NUP214: variants seen among roughly 807,000 people sequenced by gnomAD.
NUP214 encodes nucleoporin 214.
Under a neutral mutation model 196.2 loss-of-function variants are expected in NUP214, and 79 were observed. The observed-to-expected ratio is 0.40, with a 90% CI of 0.34 to 0.49. The LOEUF is 0.49. Ranked by LOEUF, NUP214 falls within the 20% of genes least tolerant of loss-of-function variation. The probability of loss-of-function intolerance (pLI) is 0.58; values close to 1 mark genes in which losing one functional copy is unlikely to be tolerated. For synonymous variants in NUP214, 1,020 were observed against 990.5 expected (o/e 1.03, Z -0.56); for missense variants, 2,468 against 2,539.0 (o/e 0.97, Z 0.60).
At position 131,192,169 on chromosome 9, in the gene NUP214, C is replaced by CTTTTTT. The variant is rs66652901; in HGVS notation, c.3575-18_3575-13dup. On this transcript the variant is annotated intron_variant, in intron 26 of 35. Transcript: ENST00000359428. ...AGTGTTTCTGTCTTTTTGTAATATT[C>CTTTTTT]TTTTTTTTTTTTTTTTTTTTTTTTT... 266 of 447,488 alleles carry CTTTTTT rather than the reference C, an allele frequency of 5.9e-4. 20 individuals are homozygous for CTTTTTT. The highest frequency in any genetic ancestry group is 6.9e-4 in the South Asian group (22 of 31,976). 27.7% of individuals were successfully genotyped at this position (447,488 alleles called of 1,614,324 possible). A position where few individuals can be genotyped will look rare whatever the true frequency, so the allele number is the denominator to read the frequency against.
In NUP214 at chr9:131,150,631, A is replaced by G. The variant is rs1273866502; in HGVS notation, c.2143A>G (p.Lys715Glu). 5 of 1,612,426 alleles carry G rather than the reference A, an allele frequency of 3.1e-6. No individual in the cohort carries two copies. In the South Asian group the frequency reaches 5.5e-5, roughly 18 times the overall value. Reference sequence around the variant, plus strand: ...GCTTCTACAGATTGCACACTTTCAGAAGGAGTTGGAAGAGTTAAAAGCCCG... The same window carrying G: ...GCTTCTACAGATTGCACACTTTCAGGAGGAGTTGGAAGAGTTAAAAGCCCG... ...GIGEEIAHFQ[K>E]ELEELKARTS... The change falls in exon 16 of 36, where the codon AAG (lysine) becomes GAG (glutamate). Residue 715 changes from lysine (K) to glutamate (E), a missense_variant. Transcript: ENST00000359428.
intron 13 of NUP214, 78 bp from the exon 14 acceptor site, chr9:131,147,412 T>C: frequency 9.2e-7 from 1 of 1,092,828 alleles, no homozygotes; most frequent in East Asian, 2.4e-5. Context: ...TTTCTTAGAT[T>C]TGGAGAAAGG....
chr9:131,183,375 G>A (rs534132682), intron 24 of NUP214, among the ~76,000 whole-genome samples: 50 of 152,308 alleles, frequency 3.3e-4, no homozygotes, highest in African/African-American at 1.1e-3. Context: ...TTGAGCCACC[G>A]CGCCCGGCTG....
At chr9:131,223,582 T>C (rs1172195098) in intron 32 of NUP214, among the ~76,000 whole-genome samples, 2 of 151,830 alleles carry the variant, frequency 1.3e-5, no homozygotes, top group Non-Finnish European at 2.9e-5. Flanking sequence ...CTGAAGTATC[T>C]GCAGGAAAGC....
intron 21 of NUP214, chr9:131,164,433 C>G: frequency 2.6e-6 from 1 of 377,790 alleles, no homozygotes; most frequent in Non-Finnish European, 4.8e-6. Flanking sequence ...GGCACTGATT[C>G]ACAAGGGTTT....
chr9:131,189,233 A>C (rs1588154850), intron 26 of NUP214, 102 bp downstream of exon 26: 1 of 927,870 alleles, frequency 1.1e-6, no homozygotes, highest in East Asian at 2.4e-5. Context: ...AACAGGAGTC[A>C]CATTTGATGA....
intron 21 of NUP214, 63 bp downstream of exon 21, chr9:131,164,207 G>A: frequency 6.8e-7 from 1 of 1,469,110 alleles, no homozygotes; most frequent in Non-Finnish European, 9.5e-7. Context: ...GTGTGTGTGT[G>A]CGCGCGCACA....
intron 30 of NUP214, among the ~76,000 whole-genome samples, chr9:131,210,410 A>G (rs1203175716): frequency 6.6e-6 from 1 of 152,208 alleles, no homozygotes; most frequent in Non-Finnish European, 1.5e-5. Flanking sequence ...CGGGCGGATC[A>G]CGAGGTCAGG....
chr9:131,233,628 C>CA lies in NUP214; in HGVS notation c.*142dup. ...GAAAGAAACAACAGAAACCAAAACT[C>CA]ACAAGGCGCATGATTACTTGTTTTA... On this transcript the variant is annotated 3_prime_UTR_variant, in exon 36 of 36. Transcript: ENST00000359428. The CA allele has an allele frequency of 1.2e-6, 1 of 853,568 alleles. No individual in the cohort carries two copies. Among genetic ancestry groups the CA allele is most frequent in the Admixed American group, 2.0e-5 (1 of 50,048 alleles). 52.9% of individuals were successfully genotyped at this position (853,568 alleles called of 1,614,324 possible).
intron 3 of NUP214, 75 bp downstream of exon 3, chr9:131,128,558 A>G: frequency 2.2e-6 from 3 of 1,337,420 alleles, no homozygotes; most frequent in Non-Finnish European, 3.1e-6. Flanking sequence ...ACAACTTGGA[A>G]GCTTCATAGG....
chr9:131,225,380 C>T (rs551372641), intron 32 of NUP214, among the ~76,000 whole-genome samples: 1 of 152,296 alleles, frequency 6.6e-6, no homozygotes, highest in South Asian at 2.1e-4. Context: ...GATTATGCCA[C>T]TGCACTTCAT....
At position 131,187,343 on chromosome 9, in the gene NUP214, G is replaced by T; in HGVS notation, c.3474G>T (p.Val1158=). Residue 1158 remains valine, a synonymous_variant, in exon 25 of 36, where the codon GTG becomes GTT. Transcript: ENST00000359428. ...CACCTCACCCAGTGTTGACCCCAGT[G>T]GCTGCTAACCAAGCCAAGCAGGTAA... ...AKTPHPVLTP[V]AANQAKQGSL... The T allele has an allele frequency of 6.2e-7, 1 of 1,612,840 alleles. No individual in the cohort carries two copies. Among genetic ancestry groups the T allele is most frequent in the Non-Finnish European group, 8.5e-7 (1 of 1,179,586 alleles).
At position 131,127,669 on chromosome 9, in the gene NUP214, C is replaced by G; in HGVS notation, c.191C>G (p.Thr64Ser). 1 of 1,613,924 alleles carries G rather than the reference C, an allele frequency of 6.2e-7. No homozygotes were observed. Among genetic ancestry groups the G allele is most frequent in the Non-Finnish European group, 8.5e-7 (1 of 1,179,940 alleles). ...GCCAGTGGCTTGCAGATTTTTCCTA[C>G]TAAAAATCTTCTTATTCAAAATAAA... ...GGASGLQIFP[T>S]KNLLIQNKPG... The change falls in exon 2 of 36, where the codon ACT (threonine) becomes AGT (serine). Residue 64 changes from threonine to serine, a missense_variant. Transcript: ENST00000359428.
chr9:131,144,349 C>G lies in NUP214; in HGVS notation c.1364C>G (p.Pro455Arg), dbSNP rs771361573. 1.9e-6 allele frequency: 3 copies of G among 1,614,190 alleles called. No homozygotes were observed. In the South Asian group the frequency reaches 3.3e-5, roughly 18 times the overall value. Residue 455 changes from proline to arginine, a missense_variant, in exon 12 of 36, where the codon CCT becomes CGT. Physicochemically the swap from Pro to Arg is moderately radical, Grantham distance 103. Transcript: ENST00000359428. Reference protein sequence around the residue: ...QKLDASAAAAPASLPPSSPAA... With the variant: ...QKLDASAAAARASLPPSSPAA... ...CTGGATGCTTCTGCAGCTGCAGCCC[C>G]TGCCTCTCTGCCACCTTCATCACCT... is the stretch of plus-strand genomic sequence containing the variant.
rs763223541 is a variant in NUP214 at position 131,139,422 on chromosome 9, GTAGT to G, written c.1132+20_1132+23del. 1.3e-5 allele frequency: 21 copies of G among 1,600,342 alleles called. No individual in the cohort carries two copies. The highest frequency in any genetic ancestry group is 6.8e-5 in the East Asian group (3 of 44,308). ...AATCACCATCAGTAAGTGTAGCCTG[GTAGT>G]TAGTGCAGAAATAGTCTTCTTTCTA... On this transcript the variant is annotated intron_variant, in intron 10 of 35. Transcript: ENST00000359428.
intron 35 of NUP214, among the ~76,000 whole-genome samples, chr9:131,233,159 A>G (rs1396660212): frequency 6.6e-6 from 1 of 152,000 alleles, no homozygotes; most frequent in Non-Finnish European, 1.5e-5. Context: ...AAAAATATAT[A>G]TATATACATA....
chr9:131,186,211 G>C (rs1833446695), intron 24 of NUP214, among the ~76,000 whole-genome samples: 1 of 152,184 alleles, frequency 6.6e-6, no homozygotes, highest in South Asian at 2.1e-4. Context: ...GAACAGAGAT[G>C]TGTTTCTCCA....
rs180714100 is a variant in NUP214 at position 131,202,609 on chromosome 9, G to A, written c.5592+892G>A. ...CAGCTATTTTTTTTTTTCTTTTTGT[G>A]TTTTTGGTTGAGACGGGGTTTTGCC... On this transcript the variant is annotated intron_variant, in intron 30 of 35. Coordinates refer to ENST00000359428, the MANE Select transcript of NUP214 (RefSeq NM_005085.4). Among the ~76,000 whole-genome samples the A allele has an allele frequency of 2.4e-3, 355 of 150,074 alleles. 4 individuals are homozygous for A. Among genetic ancestry groups the A allele is most frequent in the African/African-American group, 8.3e-3 (341 of 40,854 alleles).
rs1300030712 is a variant in NUP214, at chr9:131,215,329, A to G, written c.5710A>G (p.Ser1904Gly). The change falls in exon 31 of 36, where the codon AGC (serine) becomes GGC (glycine). Residue 1904 changes from serine to glycine, a missense_variant. This residue lies in a region of NUP214 where 262 missense variants were observed against 296.5 expected (regional missense o/e 0.88). Transcript: ENST00000359428. The part of the protein sequence containing the change: ...SQDAANKNPF[S>G]SASGGFGSTA... ...GGATGCAGCCAACAAAAACCCATTC[A>G]GCTCGGCCAGTGGGGGCTTTGGATC... The G allele has an allele frequency of 1.2e-6, 2 of 1,604,670 alleles. No homozygotes were observed. The highest frequency in any genetic ancestry group is 1.7e-5 in the Admixed American group (1 of 59,028).
Sources: gnomAD v4.1 joint callset for allele counts (sites outside exome capture counted in the v4.1 genomes callset) on GRCh38, gnomAD v4.1.1 for gene constraint, gnomAD v4.1.1 regional missense constraint, MANE v1.5 for transcripts, NCBI Gene and HGNC (gene_info 2026-07-23, HGNC 2026-07-21) for gene names.